The following SLC2A9 variants were observed in gnomAD, a reference collection of about 807,000 sequenced individuals.
The protein encoded by SLC2A9 is solute carrier family 2 member 9.
SLC2A9 carries 39 observed loss-of-function variants against 50.6 expected under a neutral mutation model. That is an observed-to-expected ratio of 0.77 (90% CI 0.60 to 1.01). The LOEUF (loss-of-function observed/expected upper bound fraction) is 1.01. SLC2A9 is among the 50% of genes least tolerant of loss of function. The pLI, the probability that SLC2A9 is intolerant of heterozygous loss-of-function variation, is 0.00. For synonymous variants in SLC2A9, 324 were observed against 276.9 expected, an observed-to-expected ratio of 1.17 and a Z score of -1.69; for missense variants, 686 against 677.6, an observed-to-expected ratio of 1.01 and a Z score of -0.14.
At chr4:9,819,419 C>G (rs1272372176) in intron 3 of SLC2A9, among the ~76,000 whole-genome samples, 1 of 152,146 alleles carries the variant, frequency 6.6e-6, no homozygotes, top group Non-Finnish European at 1.5e-5. Context: ...TCTGATTTCC[C>G]AAATAACTAA....
intron 3 of SLC2A9, among the ~76,000 whole-genome samples, chr4:9,995,447 G>A (rs79652759): frequency 0.031 from 4,694 of 152,216 alleles, 249 homozygotes; most frequent in African/African-American, 0.11. Context: ...GTCAACTCTA[G>A]TTTTCTCCTT....
chr4:9,932,180 T>C (rs908688638), intron 6 of SLC2A9, among the ~76,000 whole-genome samples: 7 of 151,584 alleles, frequency 4.6e-5, no homozygotes, highest in African/African-American at 1.7e-4. Flanking sequence ...AACTGCTTCA[T>C]GTTCCCACAG....
At chr4:10,030,937 C>T (rs13148371) in intron 1 of SLC2A9, among the ~76,000 whole-genome samples, 66,221 of 151,838 alleles carry the variant, frequency 0.44, 16,023 homozygotes, top group South Asian at 0.59. Context: ...AAAGCTGAGT[C>T]TTCTAAAACT....
At chr4:9,803,583 C>G (rs953132930) in intron 3 of SLC2A9, among the ~76,000 whole-genome samples, 6 of 152,188 alleles carry the variant, frequency 3.9e-5, no homozygotes, top group Middle Eastern at 6.3e-3. Flanking sequence ...CACTATCCAC[C>G]AGGAGAGATT....
chr4:9,907,830 A>G (rs1208204768), intron 8 of SLC2A9, among the ~76,000 whole-genome samples: 1 of 152,204 alleles, frequency 6.6e-6, no homozygotes, highest in Non-Finnish European at 1.5e-5. Flanking sequence ...TATTCTCTAG[A>G]TGGGTAAAAT....
chr4:9,970,771 G>A (rs1249531577), intron 5 of SLC2A9, among the ~76,000 whole-genome samples: 2 of 152,138 alleles, frequency 1.3e-5, no homozygotes, highest in Non-Finnish European at 2.9e-5. Context: ...AAACAAGGAA[G>A]TGAAACCAAA....
intron 5 of SLC2A9, among the ~76,000 whole-genome samples, chr4:9,955,008 T>C (rs1268533731): frequency 6.6e-6 from 1 of 152,164 alleles, no homozygotes; most frequent in African/African-American, 2.4e-5. Context: ...TTACCTGGTA[T>C]ATGGCCTTCC....
downstream of SLC2A9, among the ~76,000 whole-genome samples, chr4:9,825,309 C>A (rs1323576363): frequency 6.6e-6 from 1 of 152,214 alleles, no homozygotes; most frequent in Non-Finnish European, 1.5e-5. Context: ...CATATCTATT[C>A]CAAACACCTT....
chr4:10,002,449 C>G lies in SLC2A9; in HGVS notation c.250-5508G>C, dbSNP rs111579119. On this transcript the variant is annotated intron_variant, in intron 2 of 11. Transcript: ENST00000264784. ...GCACTGGGAGGCTTTTGTGGTGGAG[C>G]TGCCAAACTTCAGGGCACAAATACA... 2.6e-3 allele frequency among the ~76,000 whole-genome samples: 397 copies of G among 152,322 alleles called. 2 individuals carry two copies. The highest frequency in any genetic ancestry group is 8.8e-3 in the African/African-American group (367 of 41,576).
chr4:9,955,482 G>A (rs1437036273), intron 5 of SLC2A9, among the ~76,000 whole-genome samples: 2 of 34,574 alleles, frequency 5.8e-5, no homozygotes, highest in East Asian at 6.1e-4. Context: ...GCCACAGAGC[G>A]AGACTCCGTC....
At chr4:9,864,420 A>G (rs1732125640) in intron 10 of SLC2A9, among the ~76,000 whole-genome samples, 1 of 152,218 alleles carries the variant, frequency 6.6e-6, no homozygotes, top group Admixed American at 6.5e-5. Context: ...GGGCGATTCC[A>G]TCAGGGTTAG....
chr4:9,810,881 G>A (rs1722796169), intron 3 of SLC2A9, among the ~76,000 whole-genome samples: 1 of 152,200 alleles, frequency 6.6e-6, no homozygotes, highest in Non-Finnish European at 1.5e-5. Flanking sequence ...TTTATCTTTA[G>A]GCTCTCACCG....
At chr4:9,801,816 G>A (rs2108935635) in intron 3 of SLC2A9, among the ~76,000 whole-genome samples, 1 of 152,320 alleles carries the variant, frequency 6.6e-6, no homozygotes, top group Non-Finnish European at 1.5e-5. Flanking sequence ...AGAAACAAGG[G>A]GGTTACAGGA....
At chr4:10,009,903 C>T (rs1420332172) in intron 2 of SLC2A9, among the ~76,000 whole-genome samples, 3 of 152,170 alleles carry the variant, frequency 2.0e-5, no homozygotes, top group African/African-American at 7.2e-5. Flanking sequence ...ACACAGTAGA[C>T]AACTGTATAA....
chr4:9,838,381 A>G (rs901795283), intron 10 of SLC2A9, among the ~76,000 whole-genome samples: 9 of 152,214 alleles, frequency 5.9e-5, no homozygotes, highest in Admixed American at 1.3e-4. Context: ...ACAAATGGAA[A>G]AACATTCCAT....
chr4:9,874,111 G>A (rs776155033), intron 10 of SLC2A9, among the ~76,000 whole-genome samples: 34 of 152,084 alleles, frequency 2.2e-4, no homozygotes, highest in Non-Finnish European at 2.1e-4. Flanking sequence ...ACTCCAGAGC[G>A]TCTCTCCAGT....
At chr4:9,960,631 G>A (rs1404642948) in intron 5 of SLC2A9, among the ~76,000 whole-genome samples, 1 of 152,214 alleles carries the variant, frequency 6.6e-6, no homozygotes, top group Non-Finnish European at 1.5e-5. Flanking sequence ...GTGGCATTCA[G>A]CATCTCTTCT....
At chr4:9,890,490 G>T in intron 9 of SLC2A9, 120 bp downstream of exon 9, 1 of 949,430 alleles carries the variant, frequency 1.1e-6, no homozygotes, top group Non-Finnish European at 1.7e-6. Context: ...CCCGGGGAGA[G>T]CTTTATCACA....
At chr4:9,924,412 A>G (rs1350509677) in intron 6 of SLC2A9, among the ~76,000 whole-genome samples, 1 of 152,212 alleles carries the variant, frequency 6.6e-6, no homozygotes, top group Non-Finnish European at 1.5e-5. Context: ...TAACAGAGGT[A>G]TACCTAGCTT....
Sources: allele counts gnomAD v4.1 joint callset (sites outside exome capture counted in the v4.1 genomes callset), GRCh38; gene constraint gnomAD v4.1.1; transcripts MANE v1.5; gene names NCBI Gene and HGNC (gene_info 2026-07-23, HGNC 2026-07-21).